ERO1A: variants seen among roughly 807,000 people sequenced by gnomAD.
ERO1A encodes ERO1-like protein alpha.
ERO1A carries 49 observed loss-of-function variants against 76.9 expected under a neutral mutation model. That is an observed-to-expected ratio of 0.64 (90% CI 0.51 to 0.81). The LOEUF is 0.81. Among genes scored for constraint, ERO1A ranks in the 30% least tolerant of loss-of-function variants. ERO1A has a pLI of 0.00. For synonymous variants in ERO1A, 174 were observed against 181.2 expected (o/e 0.96, Z 0.32); for missense variants, 448 against 542.1 (o/e 0.83, Z 1.72).
chr14:52,684,428 C>T (rs553164532), intron 1 of ERO1A, among the ~76,000 whole-genome samples: 44 of 151,682 alleles, frequency 2.9e-4, no homozygotes, highest in African/African-American at 1.0e-3. Flanking sequence ...TCTTGGGGGG[C>T]AAAAAAAGAT....
intron 7 of ERO1A, chr14:52,664,200 C>T (rs2040327337): frequency 6.4e-6 from 1 of 156,246 alleles, no homozygotes; most frequent in African/African-American, 2.4e-5. Context: ...ACAAAGTGTA[C>T]CCCTAAATGA....
chr14:52,682,206 C>A, intron 3 of ERO1A, 119 bp downstream of exon 3: 2 of 717,600 alleles, frequency 2.8e-6, no homozygotes, highest in East Asian at 2.9e-5. Context: ...CCAACCTGGG[C>A]AACATAGTGA....
chr14:52,639,983 T>C lies in ERO1A; in HGVS notation c.*3587A>G, dbSNP rs113839875. The C allele has an allele frequency of 6.6e-6, 1 of 152,324 alleles. No individual in the cohort carries two copies. The highest frequency in any genetic ancestry group is 2.4e-5 in the African/African-American group (1 of 41,582). The allele number at this position is 152,324 out of a possible 1,614,324, so 9.4% of individuals were successfully genotyped here. On this transcript the variant is annotated 3_prime_UTR_variant, in exon 16 of 16. Transcript: ENST00000395686. ...TCCTTGGGACTCTACTGACCCTTGC[T>C]GTAAAGTGAAGGGAGTGAAAGTATT...
At chr14:52,657,850 G>T (rs1307341288) in intron 11 of ERO1A, 67 bp downstream of exon 11, 4 of 1,122,954 alleles carry the variant, frequency 3.6e-6, no homozygotes, top group Non-Finnish European at 5.2e-6. Context: ...TCAGGTAAAT[G>T]CCAGGAAAAT....
At chr14:52,663,968 A>G in intron 7 of ERO1A, 121 bp from the exon 8 acceptor site, 1 of 560,172 alleles carries the variant, frequency 1.8e-6, no homozygotes, top group Non-Finnish European at 3.2e-6. Context: ...TTGAGATTAT[A>G]AAACACTTAG....
At chr14:52,646,050 A>G in intron 15 of ERO1A, 104 bp downstream of exon 15, 1 of 1,288,970 alleles carries the variant, frequency 7.8e-7, no homozygotes, top group Non-Finnish European at 1.1e-6. Flanking sequence ...ATAAATAAAC[A>G]AATAAAATAA....
At chr14:52,657,330 T>C (rs1369742485) in intron 11 of ERO1A, among the ~76,000 whole-genome samples, 2 of 152,198 alleles carry the variant, frequency 1.3e-5, no homozygotes, top group Non-Finnish European at 2.9e-5. Context: ...CCTCCCAGGC[T>C]AAGCCCCAGT....
At chr14:52,676,288 T>A (rs1212361018) in intron 4 of ERO1A, among the ~76,000 whole-genome samples, 2 of 152,228 alleles carry the variant, frequency 1.3e-5, no homozygotes. Flanking sequence ...TACACAGTTA[T>A]CAATTTATCA....
At chr14:52,653,355 G>T in intron 11 of ERO1A, 40 bp from the exon 12 acceptor site, 1 of 1,510,202 alleles carries the variant, frequency 6.6e-7, no homozygotes, top group South Asian at 1.3e-5. Context: ...AACTGAATTT[G>T]ACAATTTTTA....
At chr14:52,660,148 A>G (rs2040185658) in intron 9 of ERO1A, among the ~76,000 whole-genome samples, 1 of 152,202 alleles carries the variant, frequency 6.6e-6, no homozygotes, top group South Asian at 2.1e-4. Flanking sequence ...AATCAGTTCA[A>G]TATTATAATC....
At chr14:52,667,180 G>A (rs1281399528) in intron 6 of ERO1A, among the ~76,000 whole-genome samples, 8 of 152,152 alleles carry the variant, frequency 5.3e-5, no homozygotes, top group Non-Finnish European at 1.0e-4. Context: ...TGTACACTGC[G>A]TGTTACCAAA....
chr14:52,658,097 G>A, intron 10 of ERO1A, 27 bp downstream of exon 10: 1 of 1,504,916 alleles, frequency 6.6e-7, no homozygotes, highest in Non-Finnish European at 9.1e-7. Context: ...AACCATCATT[G>A]AAATTTATTT....
At chr14:52,663,191 T>C (rs1423045456) in intron 8 of ERO1A, among the ~76,000 whole-genome samples, 1 of 152,166 alleles carries the variant, frequency 6.6e-6, no homozygotes. Context: ...GGATATTTAT[T>C]TATCTGTGGG....
In ERO1A at chr14:52,657,914, T is replaced by C. The variant is rs1405643039; in HGVS notation, c.808+3A>G. ...AGACTGAATAAAAGTAAATGTCACA[T>C]ACCTTGTAAAAGATATCTTGCACTC... On this transcript the variant is annotated splice_donor_region_variant and intron_variant, in intron 11 of 15. Coordinates refer to ENST00000395686, the MANE Select transcript of ERO1A (RefSeq NM_014584.3). 2.0e-5 allele frequency: 32 copies of C among 1,592,150 alleles called. No individual in the cohort carries two copies. The highest frequency in any genetic ancestry group is 2.7e-5 in the Non-Finnish European group (31 of 1,165,916).
At chr14:52,649,249 G>C (rs1259132770) in intron 13 of ERO1A, among the ~76,000 whole-genome samples, 1 of 152,070 alleles carries the variant, frequency 6.6e-6, no homozygotes, top group African/African-American at 2.4e-5. Context: ...TACTTTACAA[G>C]TCTTCAAATG....
At chr14:52,643,744 G>T in intron 15 of ERO1A, 114 bp from the exon 16 acceptor site, 2 of 601,072 alleles carry the variant, frequency 3.3e-6, no homozygotes, top group South Asian at 2.4e-5. Context: ...ATAAATTTAA[G>T]GTGCATAAAC....
intron 1 of ERO1A, among the ~76,000 whole-genome samples, chr14:52,694,381 C>A (rs778208634): frequency 4.6e-5 from 7 of 152,000 alleles, no homozygotes; most frequent in Non-Finnish European, 1.0e-4. Flanking sequence ...ACAACAAAAT[C>A]CAAGAATGTA....
intron 9 of ERO1A, among the ~76,000 whole-genome samples, chr14:52,660,358 C>T (rs1399656070): frequency 2.0e-5 from 3 of 152,120 alleles, no homozygotes; most frequent in Non-Finnish European, 4.4e-5. Flanking sequence ...TCATAGTAGC[C>T]TCCTCTAATG....
intron 15 of ERO1A, among the ~76,000 whole-genome samples, chr14:52,643,970 T>G (rs183958226): frequency 3.9e-4 from 59 of 152,096 alleles, no homozygotes; most frequent in African/African-American, 1.2e-3. Context: ...AGACCTGGTC[T>G]CTACAAAAAA....
Sources: allele counts gnomAD v4.1 joint callset (sites outside exome capture counted in the v4.1 genomes callset), GRCh38; gene constraint gnomAD v4.1.1; transcripts MANE v1.5; gene names NCBI Gene and HGNC (gene_info 2026-07-23, HGNC 2026-07-21).